NAALADL2: variants seen among roughly 807,000 people sequenced by gnomAD.
The protein encoded by NAALADL2 is inactive N-acetylated-alpha-linked acidic dipeptidase-like protein 2.
A neutral mutation model predicts 87.2 loss-of-function variants in NAALADL2; 76 were observed. The observed-to-expected ratio is 0.87, with a 90% CI of 0.72 to 1.05. The LOEUF (loss-of-function observed/expected upper bound fraction) is 1.05, where lower values mean the gene tolerates loss of function less well. Among genes scored for constraint, NAALADL2 ranks in the 50% least tolerant of loss-of-function variants. NAALADL2 has a pLI of 0.00. For missense variants in NAALADL2, 1,089 were observed against 945.8 expected, an observed-to-expected ratio of 1.15 and a Z score of -1.99; for synonymous variants, 354 against 331.0, an observed-to-expected ratio of 1.07 and a Z score of -0.75.
intron 2 of NAALADL2, among the ~76,000 whole-genome samples, chr3:174,571,094 A>C (rs575877537): frequency 1.3e-5 from 2 of 152,272 alleles, no homozygotes; most frequent in Admixed American, 6.5e-5. Context: ...CTTCCAGGTG[A>C]TGCTGGTGCT....
intron 3 of NAALADL2, among the ~76,000 whole-genome samples, chr3:175,254,065 GT>G (rs1221291388): frequency 2.0e-5 from 3 of 152,088 alleles, no homozygotes; most frequent in Non-Finnish European, 4.4e-5. Context: ...CAGCAATAGG[GT>G]TTTTGAGATA....
At chr3:174,609,780 C>A (rs1719601065) in intron 2 of NAALADL2, among the ~76,000 whole-genome samples, 2 of 152,158 alleles carry the variant, frequency 1.3e-5, no homozygotes, top group Admixed American at 1.3e-4. Context: ...CATTAAGCTA[C>A]CAATGACTTT....
chr3:175,587,766 G>A (rs541074523), intron 10 of NAALADL2, among the ~76,000 whole-genome samples: 15 of 152,112 alleles, frequency 9.9e-5, no homozygotes, highest in African/African-American at 2.9e-4. Context: ...ACCCCGTCTC[G>A]TACCATGAGA....
intron 4 of NAALADL2, among the ~76,000 whole-genome samples, chr3:175,279,804 G>T (rs1362805665): frequency 6.6e-6 from 1 of 151,466 alleles, no homozygotes; most frequent in East Asian, 1.9e-4. Context: ...GTGTGTGTGT[G>T]TGTGTGTGTG....
intron 3 of NAALADL2, among the ~76,000 whole-genome samples, chr3:174,849,924 G>C (rs189440891): frequency 2.1e-3 from 312 of 152,076 alleles, no homozygotes; most frequent in Non-Finnish European, 3.5e-3. Flanking sequence ...AAAGATATAA[G>C]TATTTTACAC....
In NAALADL2 at chr3:175,041,082, C is replaced by T. The variant is rs1043711049; in HGVS notation, c.44-55708C>T. On this transcript the variant is annotated intron_variant, in intron 1 of 13. Coordinates refer to ENST00000454872, the MANE Select transcript of NAALADL2 (RefSeq NM_207015.3). ...ACTGCCTCTTGGAATTCATTATTATCGATATTTTGCATATCGTGGATATAG... is the reference window on the plus strand; with the variant it reads ...ACTGCCTCTTGGAATTCATTATTATTGATATTTTGCATATCGTGGATATAG... Among the ~76,000 whole-genome samples the T allele has an allele frequency of 3.9e-5, 6 of 152,102 alleles. No individual in the cohort carries two copies. The East Asian group carries it at 7.7e-4, about 20-fold the overall frequency.
In NAALADL2 at chr3:174,806,616, CAG is replaced by C. The variant is rs565101627; in HGVS notation, c.-9+68874_-9+68875del. On this transcript the variant is annotated intron_variant, in intron 3 of 3. Coordinates refer to the NAALADL2 transcript ENST00000434257. Reference sequence around the variant, plus strand: ...TACCTTTGTTTTACAGACAGCAAAACAGAGATTTGTCCAGATGCACAGATAAT... The same window carrying C: ...TACCTTTGTTTTACAGACAGCAAAACAGATTTGTCCAGATGCACAGATAAT... Among the ~76,000 whole-genome samples, 76 of 152,266 alleles carry C rather than the reference CAG, an allele frequency of 5.0e-4. 2 individuals carry two copies. In the South Asian group the frequency reaches 0.015, roughly 30 times the overall value.
At position 174,641,058 on chromosome 3, in the gene NAALADL2, G is replaced by A. The variant is rs571628769; in HGVS notation, c.-115+90421G>A. Among the ~76,000 whole-genome samples the A allele has an allele frequency of 1.6e-3, 245 of 152,312 alleles. 2 individuals carry two copies. Among genetic ancestry groups the A allele is most frequent in the Middle Eastern group, 6.8e-3 (2 of 294 alleles). On this transcript the variant is annotated intron_variant, in intron 2 of 3. Transcript: ENST00000434257. Reference sequence around the variant, plus strand: ...CCAGGGGCTGGTGGGGCCAGAGCAGGTGACTTGGAGTTAATCAGAAGGGAG... The same window carrying A: ...CCAGGGGCTGGTGGGGCCAGAGCAGATGACTTGGAGTTAATCAGAAGGGAG...
intron 1 of NAALADL2, among the ~76,000 whole-genome samples, chr3:174,890,390 A>C (rs1730723026): frequency 6.6e-6 from 1 of 152,192 alleles, no homozygotes; most frequent in African/African-American, 2.4e-5. Flanking sequence ...GATGAGTTCA[A>C]AATCTAGTAT....
chr3:175,213,480 C>T (rs1742061833), intron 2 of NAALADL2, among the ~76,000 whole-genome samples: 1 of 152,058 alleles, frequency 6.6e-6, no homozygotes, highest in African/African-American at 2.4e-5. Context: ...GGAAATTAGG[C>T]ATTTGATATA....
chr3:175,483,077 AC>A (rs1250221095), intron 9 of NAALADL2, among the ~76,000 whole-genome samples: 1 of 151,922 alleles, frequency 6.6e-6, no homozygotes, highest in Non-Finnish European at 1.5e-5. Context: ...TGAGAAATAA[AC>A]CTACCTAGGG....
chr3:175,039,046 C>A (rs1291586476), intron 1 of NAALADL2, among the ~76,000 whole-genome samples: 2 of 151,928 alleles, frequency 1.3e-5, no homozygotes, highest in Non-Finnish European at 2.9e-5. Context: ...AGGAGTAGCA[C>A]CCCCCTTTTA....
intron 3 of NAALADL2, among the ~76,000 whole-genome samples, chr3:174,751,727 A>C (rs577470687): frequency 5.3e-5 from 8 of 151,658 alleles, no homozygotes; most frequent in Admixed American, 2.6e-4. Flanking sequence ...TTCTTGGAGT[A>C]AAGCTCACTT....
At chr3:175,762,901 G>T (rs1051023478) in intron 13 of NAALADL2, among the ~76,000 whole-genome samples, 1 of 151,978 alleles carries the variant, frequency 6.6e-6, no homozygotes, top group Non-Finnish European at 1.5e-5. Context: ...TGGCTAACAC[G>T]GTGAAACCCC....
chr3:174,926,706 TA>T (rs1394002702), intron 1 of NAALADL2, among the ~76,000 whole-genome samples: 1 of 151,810 alleles, frequency 6.6e-6, no homozygotes, highest in Non-Finnish European at 1.5e-5. Context: ...CTGAAAGAAG[TA>T]CTAAACATGG....
rs575196365 is a variant in NAALADL2 at position 175,497,485 on chromosome 3, A to G, written c.1653+25727A>G. Among the ~76,000 whole-genome samples the G allele has an allele frequency of 3.8e-3, 583 of 152,310 alleles. 3 individuals are homozygous for G. Among genetic ancestry groups the G allele is most frequent in the African/African-American group, 0.013 (527 of 41,574 alleles). ...CAGTTGTATTAATTTGCAATCATTC[A>G]TATAAAATTTCAATTTATACCCCTT... On this transcript the variant is annotated intron_variant, in intron 9 of 13. Coordinates refer to ENST00000454872, the MANE Select transcript of NAALADL2 (RefSeq NM_207015.3).
chr3:175,010,879 T>G (rs937005038), intron 1 of NAALADL2, among the ~76,000 whole-genome samples: 1 of 152,142 alleles, frequency 6.6e-6, no homozygotes, highest in Admixed American at 6.6e-5. Context: ...AGATTCTGCA[T>G]TTTTTACTTG....
chr3:175,660,339 G>T, intron 11 of NAALADL2, among the ~76,000 whole-genome samples: 1 of 152,074 alleles, frequency 6.6e-6, no homozygotes, highest in East Asian at 1.9e-4. Context: ...TGTAATGACT[G>T]AAAAAACTCA....
chr3:174,705,965 T>A (rs1222280373), intron 2 of NAALADL2, among the ~76,000 whole-genome samples: 1 of 152,152 alleles, frequency 6.6e-6, no homozygotes, highest in Non-Finnish European at 1.5e-5. Context: ...ATTACAATAC[T>A]CCTCTTCCCA....
Sources: allele counts gnomAD v4.1 joint callset (sites outside exome capture counted in the v4.1 genomes callset), GRCh38; gene constraint gnomAD v4.1.1; transcripts MANE v1.5; gene names NCBI Gene and HGNC (gene_info 2026-07-23, HGNC 2026-07-21).